AFG1L: variants seen among roughly 807,000 people sequenced by gnomAD.
AFG1L encodes the protein AFG1-like ATPase.
A neutral mutation model predicts 62.2 loss-of-function variants in AFG1L; 53 were observed. That is an observed-to-expected ratio of 0.85 (90% confidence interval 0.68 to 1.07). The LOEUF (loss-of-function observed/expected upper bound fraction) is 1.07. Among genes scored for constraint, AFG1L ranks in the 50% least tolerant of loss-of-function variants. AFG1L has a pLI of 0.00. For missense variants in AFG1L, 555 were observed against 590.5 expected, an observed-to-expected ratio of 0.94 and a Z score of 0.62; for synonymous variants, 228 against 210.3, an observed-to-expected ratio of 1.08 and a Z score of -0.73.
At chr6:108,477,433 C>T in intron 10 of AFG1L, 141 bp downstream of exon 10, 1 of 478,398 alleles carries the variant, frequency 2.1e-6, no homozygotes, top group Non-Finnish European at 3.5e-6. Flanking sequence ...GGGAAATACT[C>T]ATCTATTTTT....
At chr6:108,493,635 A>G (rs1186686922) in intron 10 of AFG1L, among the ~76,000 whole-genome samples, 1 of 152,220 alleles carries the variant, frequency 6.6e-6, no homozygotes, top group African/African-American at 2.4e-5. Context: ...CTACCAAACA[A>G]CAGATACCAG....
At chr6:108,407,955 T>A (rs1781930512) in intron 7 of AFG1L, among the ~76,000 whole-genome samples, 1 of 152,162 alleles carries the variant, frequency 6.6e-6, no homozygotes, top group African/African-American at 2.4e-5. Flanking sequence ...TTTGATTTTT[T>A]CCCCCTGGTT....
chr6:108,504,941 G>A (rs1582676571), intron 10 of AFG1L, among the ~76,000 whole-genome samples: 1 of 152,218 alleles, frequency 6.6e-6, no homozygotes, highest in African/African-American at 2.4e-5. Flanking sequence ...TTTGGATAAG[G>A]TCCTGAGTGG....
chr6:108,336,132 A>T (rs960166092), intron 2 of AFG1L, among the ~76,000 whole-genome samples: 3 of 152,212 alleles, frequency 2.0e-5, no homozygotes, highest in Non-Finnish European at 4.4e-5. Context: ...TCTTCTTAGA[A>T]ACCTGAAATG....
At chr6:108,417,298 C>T (rs919068936) in intron 7 of AFG1L, among the ~76,000 whole-genome samples, 2 of 139,626 alleles carry the variant, frequency 1.4e-5, no homozygotes, top group African/African-American at 5.3e-5. Flanking sequence ...AAAAAAAAAA[C>T]GGGGAAAAAA....
At chr6:108,295,896 A>G (rs1156720152) in intron 1 of AFG1L, 1 of 152,148 alleles carries the variant, frequency 6.6e-6, no homozygotes, top group Admixed American at 6.6e-5. Context: ...ACATTGTGTC[A>G]TTGTTTCCTA....
chr6:108,422,477 C>CAAAAAAAAAAAAAAAAA (rs539232525), intron 7 of AFG1L, among the ~76,000 whole-genome samples: 1,301 of 45,688 alleles, frequency 0.028, 296 homozygotes, highest in African/African-American at 0.046. Context: ...TAGTCCTCAG[C>CAAAAAAAAAAAAAAAAA]AAAAAAAAAA....
In AFG1L at chr6:108,508,087, G is replaced by A. The variant is rs117152434; in HGVS notation, c.1063-2125G>A. Among the ~76,000 whole-genome samples the A allele has an allele frequency of 4.0e-4, 61 of 152,258 alleles. 3 individuals are homozygous for A. In the East Asian group the frequency reaches 0.011, roughly 27 times the overall value. ...ATATATTACTTTGTTTAATTCTCAC[G>A]ATTCTGTCAGATAGGAATCAAATCC... On this transcript the variant is annotated intron_variant, in intron 10 of 12. Coordinates refer to ENST00000368977, the MANE Select transcript of AFG1L (RefSeq NM_145315.5).
chr6:108,347,991 G>C (rs1778929633), intron 3 of AFG1L, among the ~76,000 whole-genome samples: 1 of 152,120 alleles, frequency 6.6e-6, no homozygotes, highest in Non-Finnish European at 1.5e-5. Context: ...TTATGAGGGA[G>C]TGATGGCAGG....
intron 7 of AFG1L, among the ~76,000 whole-genome samples, chr6:108,437,627 T>C (rs150845590): frequency 6.4e-4 from 97 of 152,302 alleles, no homozygotes; most frequent in Non-Finnish European, 1.1e-3. Flanking sequence ...CATTATAGTA[T>C]AGAATTTAGT....
chr6:108,516,753 C>T (rs926267356), intron 11 of AFG1L, among the ~76,000 whole-genome samples: 3 of 152,098 alleles, frequency 2.0e-5, no homozygotes, highest in Non-Finnish European at 4.4e-5. Flanking sequence ...CTAGAAAACC[C>T]CATCGTCTCA....
chr6:108,340,447 T>TC (rs1280356721), intron 2 of AFG1L, among the ~76,000 whole-genome samples: 1 of 151,286 alleles, frequency 6.6e-6, no homozygotes, highest in African/African-American at 2.4e-5. Flanking sequence ...CACTGCAACC[T>TC]CCATCTCCCA....
At position 108,405,781 on chromosome 6, in the gene AFG1L, A is replaced by G. The variant is rs558267582; in HGVS notation, c.807+3727A>G. Among the ~76,000 whole-genome samples, 32 of 152,176 alleles carry G rather than the reference A, an allele frequency of 2.1e-4. 1 individual carries two copies. The highest frequency in any genetic ancestry group is 7.7e-4 in the African/African-American group (32 of 41,532). ...ACTCTGTACTCACTAAATGATAACC[A>G]CCCATTGTCCCCCTTTCCCAACCCT... On this transcript the variant is annotated intron_variant, in intron 7 of 12. Coordinates refer to ENST00000368977, the MANE Select transcript of AFG1L (RefSeq NM_145315.5).
At chr6:108,320,822 TAG>T (rs1018161481) in intron 1 of AFG1L, among the ~76,000 whole-genome samples, 4 of 151,970 alleles carry the variant, frequency 2.6e-5, no homozygotes, top group African/African-American at 9.7e-5. Flanking sequence ...GGGAATGAAT[TAG>T]AGAGTATTTC....
intron 10 of AFG1L, among the ~76,000 whole-genome samples, chr6:108,499,070 CT>C (rs200737971): frequency 0.56 from 77,140 of 138,338 alleles, 22,353 homozygotes; most frequent in African/African-American, 0.82. Context: ...ATAAATGTAA[CT>C]TTTTTTTTTT....
At chr6:108,443,873 G>GA (rs577214167) in intron 7 of AFG1L, among the ~76,000 whole-genome samples, 72 of 143,058 alleles carry the variant, frequency 5.0e-4, no homozygotes, top group East Asian at 1.0e-3. Context: ...AGACTCTGTC[G>GA]AAAAAAAAAA....
intron 1 of AFG1L, among the ~76,000 whole-genome samples, chr6:108,296,255 C>G (rs992069539): frequency 2.0e-5 from 3 of 151,872 alleles, no homozygotes; most frequent in African/African-American, 7.3e-5. Context: ...TGGGGGTAGC[C>G]CTGATCTGCT....
At chr6:108,463,138 A>G (rs1482863999) in intron 8 of AFG1L, among the ~76,000 whole-genome samples, 2 of 151,936 alleles carry the variant, frequency 1.3e-5, no homozygotes, top group Non-Finnish European at 2.9e-5. Flanking sequence ...AAAATACGAA[A>G]ATTAGCCAGG....
intron 8 of AFG1L, among the ~76,000 whole-genome samples, chr6:108,450,554 A>C (rs9486886): frequency 1.3e-5 from 2 of 152,044 alleles, no homozygotes; most frequent in African/African-American, 2.4e-5. Context: ...TAGGTTGTCT[A>C]TTCACTCTGA....
Sources: allele counts gnomAD v4.1 joint callset (sites outside exome capture counted in the v4.1 genomes callset), GRCh38; gene constraint gnomAD v4.1.1; transcripts MANE v1.5; gene names NCBI Gene and HGNC (gene_info 2026-07-23, HGNC 2026-07-21).